ZNF623: variants seen among roughly 807,000 people sequenced by gnomAD.
The protein encoded by ZNF623 is zinc finger protein 623.
In ZNF623, 16 loss-of-function variants were observed where a neutral mutation model predicts 24.0. The observed-to-expected ratio is 0.67, with a 90% CI of 0.45 to 1.01. ZNF623 has a LOEUF of 1.01. ZNF623 is among the 50% of genes least tolerant of loss of function. The probability of loss-of-function intolerance (pLI) is 0.00; values close to 1 mark genes in which losing one functional copy is unlikely to be tolerated. For synonymous variants in ZNF623, 224 were observed against 219.8 expected, an observed-to-expected ratio of 1.02 and a Z score of -0.17; for missense variants, 566 against 606.5, an observed-to-expected ratio of 0.93 and a Z score of 0.70.
rs1000107844 is a variant in ZNF623 at position 143,650,807 on chromosome 8, T to G, written c.815T>G (p.Ile272Ser). Residue 272 changes from isoleucine (I) to serine (S), a missense_variant, in exon 2 of 2, where the codon ATT becomes AGT. By Grantham distance (142) the Ile-to-Ser change is moderately radical. Transcript: ENST00000526926. The surrounding 1 kb of genome is among the most constrained non-coding windows in gnomAD (Gnocchi z 5.2). ...HRSDLIEHQR[I>S]HTGERPFECN... ...TCAGACCTTATTGAACACCAGAGAA[T>G]TCACACCGGAGAGAGACCCTTTGAA... is the stretch of plus-strand genomic sequence containing the variant. The G allele has an allele frequency of 1.2e-6, 2 of 1,614,178 alleles. No homozygotes were observed. Among genetic ancestry groups the G allele is most frequent in the Non-Finnish European group, 1.7e-6 (2 of 1,180,032 alleles).
intron 1 of ZNF623, among the ~76,000 whole-genome samples, chr8:143,642,156 T>C (rs1319434141): frequency 6.6e-6 from 1 of 152,256 alleles, no homozygotes; most frequent in Non-Finnish European, 1.5e-5. Flanking sequence ...TCTGGAGAAC[T>C]TGCTTCAGTT....
intron 1 of ZNF623, among the ~76,000 whole-genome samples, chr8:143,645,398 C>G (rs1055338528): frequency 6.6e-6 from 1 of 150,854 alleles, no homozygotes; most frequent in Non-Finnish European, 1.5e-5. Context: ...CGCCACTGCA[C>G]TCCAGCCTGG....
chr8:143,649,008 T>C (rs771938480), intron 1 of ZNF623, among the ~76,000 whole-genome samples: 1 of 151,992 alleles, frequency 6.6e-6, no homozygotes, highest in Admixed American at 6.5e-5. Flanking sequence ...CTGGATGTGG[T>C]GGCTCACGTC....
chr8:143,651,534 G>A lies in ZNF623; in HGVS notation c.*51G>A. The A allele has an allele frequency of 6.6e-7, 1 of 1,520,384 alleles. No individual in the cohort carries two copies. Among genetic ancestry groups the A allele is most frequent in the Non-Finnish European group, 8.8e-7 (1 of 1,135,938 alleles). 94.2% of individuals were successfully genotyped at this position (1,520,384 alleles called of 1,614,324 possible). On this transcript the variant is annotated 3_prime_UTR_variant, in exon 2 of 2. Coordinates refer to ENST00000526926, the MANE Select transcript of ZNF623 (RefSeq NM_001261843.2). The stretch of plus-strand genomic sequence containing the variant: ...TGATGTTTGGAAATGCGTGGAATTA[G>A]GATTCATGTGGTTTCTAAGATTTGG...
At chr8:143,649,863 A>G in intron 1 of ZNF623, 35 bp from the exon 2 acceptor site, 1 of 1,590,972 alleles carries the variant, frequency 6.3e-7, no homozygotes, top group Non-Finnish European at 8.6e-7. Context: ...TCTGTTAAGT[A>G]AGGGGAAAGA....
Position 143,650,054 on chromosome 8 carries a change from G to A in ZNF623, c.62G>A (p.Gly21Glu). The A allele has an allele frequency of 6.2e-7, 1 of 1,614,136 alleles. No individual in the cohort carries two copies. Residue 21 changes from glycine (G) to glutamate (E), a missense_variant, in exon 2 of 2, where the codon GGA becomes GAA. Gly to Glu is a moderately conservative substitution (Grantham distance 98, BLOSUM62 -2). Around this residue, in one of 3 missense-constraint regions of ZNF623, gnomAD observed 313 missense variants for 300.4 expected, o/e 1.04. Transcript: ENST00000526926. The surrounding 1 kb of genome is among the most constrained non-coding windows in gnomAD (Gnocchi z 5.2). ...VHEPRLGELL[G>E]NPEGQSLGSS... ...GAGCCCAGATTAGGGGAGCTCTTGG[G>A]AAATCCAGAAGGTCAGAGCCTGGGG...
chr8:143,650,852 C>G lies in ZNF623; in HGVS notation c.860C>G (p.Ala287Gly). The G allele has an allele frequency of 6.2e-7, 1 of 1,614,124 alleles. No individual in the cohort carries two copies. The highest frequency in any genetic ancestry group is 8.5e-7 in the Non-Finnish European group (1 of 1,180,008). Reference protein sequence around the residue: ...RPFECNECGKAFIRSSKLIQH... With the variant: ...RPFECNECGKGFIRSSKLIQH... ...TTTGAATGCAATGAGTGTGGGAAAGCCTTTATTCGGAGTTCAAAGCTCATT... is the reference window on the plus strand; with the variant it reads ...TTTGAATGCAATGAGTGTGGGAAAGGCTTTATTCGGAGTTCAAAGCTCATT... The change falls in exon 2 of 2, where the codon GCC becomes GGC. Residue 287 changes from alanine (A) to glycine (G), a missense_variant. Transcript: ENST00000526926. The surrounding 1 kb of genome is among the most constrained non-coding windows in gnomAD (Gnocchi z 5.2).
At chr8:143,636,524 G>T (rs1416937521) in intron 1 of ZNF623, 1 of 152,398 alleles carries the variant, frequency 6.6e-6, no homozygotes, top group African/African-American at 2.4e-5. Context: ...CCTGCGTGAG[G>T]TTGATGCCGC....
At position 143,651,408 on chromosome 8, in the gene ZNF623, A is replaced by T. The variant is rs771121112; in HGVS notation, c.1416A>T (p.Gly472=). Residue 472 remains glycine (G), a synonymous_variant, in exon 2 of 2, where the codon GGA becomes GGT. Transcript: ENST00000526926. The part of the protein sequence containing the change: ...VKNNQRVHQE[G]LSLSKAPIHL... ...ATAATCAAAGGGTTCACCAAGAGGG[A>T]CTCTCCTTGAGTAAGGCCCCCATAC... The T allele has an allele frequency of 7.4e-6, 12 of 1,613,780 alleles. No homozygotes were observed. Among genetic ancestry groups the T allele is most frequent in the Non-Finnish European group, 9.3e-6 (11 of 1,179,850 alleles).
At chr8:143,646,323 A>G (rs1563699625) in intron 1 of ZNF623, among the ~76,000 whole-genome samples, 1 of 152,110 alleles carries the variant, frequency 6.6e-6, no homozygotes. Context: ...GATTATAGGC[A>G]TGAGCCACTG....
rs1277246185 is a variant in ZNF623 at position 143,652,360 on chromosome 8, A to C, written c.*877A>C. Reference sequence around the variant, plus strand: ...GTCCACTGTCTAGCACAGGGCAATAAAAAATACACCCCTAAATCTATGTGT... The same window carrying C: ...GTCCACTGTCTAGCACAGGGCAATACAAAATACACCCCTAAATCTATGTGT... On this transcript the variant is annotated 3_prime_UTR_variant, in exon 2 of 2. Coordinates refer to ENST00000526926, the MANE Select transcript of ZNF623 (RefSeq NM_001261843.2). 3 of 167,096 alleles carry C rather than the reference A, an allele frequency of 1.8e-5. No homozygotes were observed. The highest frequency in any genetic ancestry group is 7.2e-5 in the African/African-American group (3 of 41,458). The allele number at this position is 167,096 out of a possible 1,614,324, so 10.4% of individuals were successfully genotyped here.
In ZNF623 at chr8:143,650,470, G is replaced by A. The variant is rs377222268; in HGVS notation, c.478G>A (p.Val160Ile). The change falls in exon 2 of 2, where the codon GTT (valine) becomes ATT (isoleucine). Residue 160 changes from valine (V) to isoleucine (I), a missense_variant. Around this residue, in one of 3 missense-constraint regions of ZNF623, gnomAD observed 313 missense variants for 300.4 expected, o/e 1.04. Coordinates refer to ENST00000526926, the MANE Select transcript of ZNF623 (RefSeq NM_001261843.2). This position sits in a 1 kb window ranked among gnomAD's most constrained non-coding sequence, Gnocchi z 5.2. ...TTCAGGTCTCATTGAGCATCAGCGC[G>A]TTCATTCAGGAGAAAAGCCCTTCAA... Reference protein sequence around the residue: ...HYSGLIEHQRVHSGEKPFKCA... With the variant: ...HYSGLIEHQRIHSGEKPFKCA... 37 of 1,613,976 alleles carry A rather than the reference G, an allele frequency of 2.3e-5. No homozygotes were observed. Among genetic ancestry groups the A allele is most frequent in the African/African-American group, 6.7e-5 (5 of 74,908 alleles).
rs1354682943 is a variant in ZNF623, at chr8:143,652,969, G to C, written c.*1486G>C. ...AGGGTGAGTTAAGTATGTGCCCTCA[G>C]GTGTGAAGGAGCACAGGTGAGGGGG... On this transcript the variant is annotated 3_prime_UTR_variant, in exon 2 of 2. Coordinates refer to ENST00000526926, the MANE Select transcript of ZNF623 (RefSeq NM_001261843.2). The C allele has an allele frequency of 6.0e-6, 1 of 167,186 alleles. No individual in the cohort carries two copies. The highest frequency in any genetic ancestry group is 2.4e-5 in the African/African-American group (1 of 41,462). 10.4% of individuals were successfully genotyped at this position (167,186 alleles called of 1,614,324 possible). A position where few individuals can be genotyped will look rare whatever the true frequency, so the allele number is the denominator to read the frequency against.
At chr8:143,637,221 A>G (rs1814945442) in intron 1 of ZNF623, among the ~76,000 whole-genome samples, 2 of 152,242 alleles carry the variant, frequency 1.3e-5, no homozygotes, top group Admixed American at 6.5e-5. Context: ...TGTGGCGCCC[A>G]GTAGGCCCCT....
chr8:143,645,266 C>G (rs559316014), intron 1 of ZNF623, among the ~76,000 whole-genome samples: 3 of 152,002 alleles, frequency 2.0e-5, no homozygotes, highest in Admixed American at 6.6e-5. Flanking sequence ...ACGGTGAAAC[C>G]CCGTCTCTCC....
chr8:143,650,502 G>T lies in ZNF623; in HGVS notation c.510G>T (p.Ala170=), dbSNP rs113510551. 8.7e-6 allele frequency: 14 copies of T among 1,614,144 alleles called. No homozygotes were observed. Among genetic ancestry groups the T allele is most frequent in the African/African-American group, 1.3e-5 (1 of 75,024 alleles). The change falls in exon 2 of 2, where the codon GCG becomes GCT. Residue 170 remains alanine (A), a synonymous_variant. Transcript: ENST00000526926. The surrounding 1 kb of genome is among the most constrained non-coding windows in gnomAD (Gnocchi z 5.2). Reference sequence around the variant, plus strand: ...CAGGAGAAAAGCCCTTCAAATGTGCGCAGTGTGGGAAGGCGTTTTGTCACA... The same window carrying T: ...CAGGAGAAAAGCCCTTCAAATGTGCTCAGTGTGGGAAGGCGTTTTGTCACA... ...VHSGEKPFKC[A]QCGKAFCHSS...
chr8:143,642,967 A>G (rs1196994570), intron 1 of ZNF623, among the ~76,000 whole-genome samples: 2 of 152,166 alleles, frequency 1.3e-5, no homozygotes, highest in Non-Finnish European at 2.9e-5. Context: ...AGACTTGCAG[A>G]TGTCGGGAGG....
chr8:143,642,203 AT>A (rs760198754), intron 1 of ZNF623, among the ~76,000 whole-genome samples: 42 of 152,282 alleles, frequency 2.8e-4, no homozygotes, highest in South Asian at 1.9e-3. Context: ...TTGCACTTCT[AT>A]GTGTGGAAGT....
chr8:143,637,150 C>T (rs1369865019), intron 1 of ZNF623, among the ~76,000 whole-genome samples: 1 of 152,236 alleles, frequency 6.6e-6, no homozygotes, highest in African/African-American at 2.4e-5. Flanking sequence ...CGCTTCTTAC[C>T]TCCCTGAACT....
Sources: gnomAD v4.1 joint callset for allele counts (sites outside exome capture counted in the v4.1 genomes callset) on GRCh38, gnomAD v4.1.1 for gene constraint, gnomAD v4.1.1 regional missense constraint, Gnocchi (gnomAD v3.1) non-coding constraint, MANE v1.5 for transcripts, NCBI Gene and HGNC (gene_info 2026-07-23, HGNC 2026-07-21) for gene names.